ADK: variants seen among roughly 807,000 people sequenced by gnomAD.
The protein encoded by ADK is N6,N6-dimethyladenosine kinase.
In ADK, 24 loss-of-function variants were observed where a neutral mutation model predicts 44.7. That is an observed-to-expected ratio of 0.54 (90% CI 0.39 to 0.76). ADK has a LOEUF of 0.76. Among genes scored for constraint, ADK ranks in the 30% least tolerant of loss-of-function variants. ADK has a pLI of 0.00. For synonymous variants in ADK, 128 were observed against 142.6 expected (o/e 0.90, Z 0.73); for missense variants, 321 against 425.1 (o/e 0.76, Z 2.15).
chr10:74,331,765 C>T lies in ADK; in HGVS notation c.273+17020C>T, dbSNP rs183369173. On this transcript the variant is annotated intron_variant, in intron 4 of 10. Transcript: ENST00000539909. ...CCTCCCAAAGTGCAGGGATTATAGGCGTGAGCCACTGCACCCAGCCAACAT... is the reference window on the plus strand; with the variant it reads ...CCTCCCAAAGTGCAGGGATTATAGGTGTGAGCCACTGCACCCAGCCAACAT... Among the ~76,000 whole-genome samples the T allele has an allele frequency of 4.9e-3, 748 of 152,298 alleles. 4 individuals carry two copies. Among genetic ancestry groups the T allele is most frequent in the African/African-American group, 0.017 (702 of 41,574 alleles).
intron 6 of ADK, among the ~76,000 whole-genome samples, chr10:74,480,455 T>C (rs1302514486): frequency 6.6e-6 from 1 of 152,100 alleles, no homozygotes; most frequent in Non-Finnish European, 1.5e-5. Flanking sequence ...TTTGTTTGTT[T>C]TTTGTAGAGA....
intron 1 of ADK, among the ~76,000 whole-genome samples, chr10:74,198,375 C>G (rs1038767900): frequency 6.6e-6 from 1 of 152,200 alleles, no homozygotes; most frequent in Non-Finnish European, 1.5e-5. Flanking sequence ...ACAAATATCT[C>G]TTTATTGCAT....
At chr10:74,295,610 T>A (rs555312675) in intron 3 of ADK, among the ~76,000 whole-genome samples, 1 of 152,320 alleles carries the variant, frequency 6.6e-6, no homozygotes, top group South Asian at 2.1e-4. Flanking sequence ...ATATGGACCC[T>A]CTTTTTGGTG....
intron 7 of ADK, among the ~76,000 whole-genome samples, chr10:74,543,998 T>C (rs1849739069): frequency 2.0e-5 from 3 of 152,296 alleles, no homozygotes; most frequent in Admixed American, 2.0e-4. Flanking sequence ...TCCTTTCTCC[T>C]GTACTGCCTA....
At chr10:74,553,579 A>G (rs943863402) in intron 7 of ADK, among the ~76,000 whole-genome samples, 8 of 152,202 alleles carry the variant, frequency 5.3e-5, no homozygotes, top group African/African-American at 1.9e-4. Context: ...GATAAATCTC[A>G]GGAACATTAT....
At chr10:74,539,290 G>C (rs571033923) in intron 7 of ADK, among the ~76,000 whole-genome samples, 2 of 152,196 alleles carry the variant, frequency 1.3e-5, no homozygotes, top group East Asian at 3.9e-4. Context: ...GCCTCCCTAA[G>C]GTTCTGGGAT....
intron 9 of ADK, among the ~76,000 whole-genome samples, 187 bp from the exon 10 acceptor site, chr10:74,669,996 C>T (rs1855110246): frequency 6.6e-6 from 1 of 152,136 alleles, no homozygotes; most frequent in Admixed American, 6.6e-5. Context: ...CTGAAAGTTA[C>T]CAAAAAAGTA....
intron 8 of ADK, among the ~76,000 whole-genome samples, chr10:74,592,564 A>G (rs1398078441): frequency 2.6e-5 from 4 of 152,154 alleles, no homozygotes; most frequent in African/African-American, 9.7e-5. Context: ...CTTTTACTCC[A>G]AGTAATAAAT....
At chr10:74,593,311 A>G (rs951604170) in intron 8 of ADK, among the ~76,000 whole-genome samples, 2 of 152,172 alleles carry the variant, frequency 1.3e-5, no homozygotes, top group African/African-American at 4.8e-5. Context: ...TATTTATTCA[A>G]CAAATATTTA....
chr10:74,167,486 C>G (rs1416608842), intron 1 of ADK, among the ~76,000 whole-genome samples: 1 of 152,280 alleles, frequency 6.6e-6, no homozygotes, highest in Non-Finnish European at 1.5e-5. Flanking sequence ...CAGGTCTGGT[C>G]TGGAGGGTCC....
At chr10:74,500,231 G>A (rs917241664) in intron 6 of ADK, among the ~76,000 whole-genome samples, 2 of 152,066 alleles carry the variant, frequency 1.3e-5, no homozygotes, top group Non-Finnish European at 2.9e-5. Context: ...ACTACCTCTA[G>A]TGTTTCTGCA....
intron 7 of ADK, among the ~76,000 whole-genome samples, chr10:74,549,122 A>G (rs1410325079): frequency 6.6e-6 from 1 of 152,248 alleles, no homozygotes; most frequent in Non-Finnish European, 1.5e-5. Context: ...CAATTCAATT[A>G]TAGCGTACAA....
At chr10:74,635,957 A>C (rs1331917969) in intron 9 of ADK, among the ~76,000 whole-genome samples, 1 of 151,618 alleles carries the variant, frequency 6.6e-6, no homozygotes. Flanking sequence ...GCGCAGTGGC[A>C]CATGCCTGTA....
At chr10:74,414,967 G>A (rs1207871296) in intron 6 of ADK, among the ~76,000 whole-genome samples, 1 of 152,094 alleles carries the variant, frequency 6.6e-6, no homozygotes, top group East Asian at 1.9e-4. Flanking sequence ...AAATCTTTGG[G>A]AATATTAAGT....
chr10:74,285,861 T>A (rs1847142934), intron 3 of ADK, among the ~76,000 whole-genome samples: 1 of 152,198 alleles, frequency 6.6e-6, no homozygotes, highest in Admixed American at 6.5e-5. Flanking sequence ...TATAGTCAGG[T>A]TGGGACTATG....
chr10:74,464,953 G>T (rs145754234), intron 6 of ADK, among the ~76,000 whole-genome samples: 1 of 152,258 alleles, frequency 6.6e-6, no homozygotes, highest in African/African-American at 2.4e-5. Flanking sequence ...CTACATTCCT[G>T]CCACTTTTCT....
intron 3 of ADK, among the ~76,000 whole-genome samples, chr10:74,242,893 C>T (rs1464241770): frequency 6.6e-6 from 1 of 152,116 alleles, no homozygotes; most frequent in Non-Finnish European, 1.5e-5. Context: ...CTACTCTTCC[C>T]GTCCCCTCTC....
At chr10:74,357,388 G>A (rs1395699793) in intron 4 of ADK, among the ~76,000 whole-genome samples, 1 of 151,574 alleles carries the variant, frequency 6.6e-6, no homozygotes, top group East Asian at 1.9e-4. Context: ...TTCAGCCTTC[G>A]AACTTTCAAA....
At chr10:74,462,942 C>A (rs1383780733) in intron 6 of ADK, among the ~76,000 whole-genome samples, 1 of 152,070 alleles carries the variant, frequency 6.6e-6, no homozygotes, top group Non-Finnish European at 1.5e-5. Context: ...CATGTCCAGA[C>A]TTTAGGGATT....
Sources: gnomAD v4.1 joint callset for allele counts (sites outside exome capture counted in the v4.1 genomes callset) on GRCh38, gnomAD v4.1.1 for gene constraint, MANE v1.5 for transcripts, NCBI Gene and HGNC (gene_info 2026-07-23, HGNC 2026-07-21) for gene names.